PPP1R12C: variants seen among roughly 807,000 people sequenced by gnomAD.
The protein encoded by PPP1R12C is protein phosphatase 1 regulatory subunit 12C.
In PPP1R12C, 48 loss-of-function variants were observed where a neutral mutation model predicts 95.6. The observed-to-expected ratio is 0.50, with a 90% confidence interval of 0.40 to 0.64. PPP1R12C has a LOEUF of 0.64. Ranked by LOEUF, PPP1R12C falls within the 30% of genes least tolerant of loss-of-function variation. The pLI is 0.00. For synonymous variants in PPP1R12C, 480 were observed against 460.8 expected (o/e 1.04, Z -0.53); for missense variants, 1,057 against 1,083.3 (o/e 0.98, Z 0.34).
intron 19 of PPP1R12C, 93 bp from the exon 20 acceptor site, chr19:55,092,002 T>TAGGCAGCCCACA: frequency 6.7e-7 from 1 of 1,486,692 alleles, no homozygotes; most frequent in East Asian, 2.3e-5. Flanking sequence ...GCCCGCCCAC[T>TAGGCAGCCCACA]AGGCAGCCCA....
chr19:55,110,941 G>GA (rs959573397), intron 3 of PPP1R12C, among the ~76,000 whole-genome samples: 2 of 151,680 alleles, frequency 1.3e-5, no homozygotes, highest in African/African-American at 4.8e-5. Flanking sequence ...GAGATGGAGG[G>GA]AAAAAAACAG....
At chr19:55,099,360 G>A (rs1224036946) in intron 4 of PPP1R12C, among the ~76,000 whole-genome samples, 1 of 152,232 alleles carries the variant, frequency 6.6e-6, no homozygotes, top group Admixed American at 6.5e-5. Context: ...CTGGCAGGGG[G>A]TCACCCTGGC....
Position 55,091,161 on chromosome 19 carries a change from A to G in PPP1R12C, c.*311T>C. 2.4e-6 allele frequency: 1 copy of G among 413,154 alleles called. No homozygotes were observed. Among genetic ancestry groups the G allele is most frequent in the African/African-American group, 2.0e-5 (1 of 49,450 alleles). The allele number at this position is 413,154 out of a possible 1,614,324, so 25.6% of individuals were successfully genotyped here. A position where few individuals can be genotyped will look rare whatever the true frequency, so the allele number is the denominator to read the frequency against. ...CATCACACGTGAGATGGGGACCTCC[A>G]GGCGGCCACTCTGGTCCTGGCTACT... On this transcript the variant is annotated 3_prime_UTR_variant, in exon 22 of 22. Coordinates refer to ENST00000263433, the MANE Select transcript of PPP1R12C (RefSeq NM_017607.4).
chr19:55,113,886 T>C, intron 1 of PPP1R12C: 1 of 167,596 alleles, frequency 6.0e-6, no homozygotes, highest in South Asian at 1.8e-4. Flanking sequence ...CAGGCATCCC[T>C]GTGAAAGATG....
At chr19:55,116,242 GC>G (rs1255622798) in intron 1 of PPP1R12C, among the ~76,000 whole-genome samples, 19 of 152,190 alleles carry the variant, frequency 1.2e-4, no homozygotes, top group Admixed American at 5.9e-4. Flanking sequence ...GATGGCACAG[GC>G]CCCAGAAGGA....
chr19:55,113,462 AG>A, intron 1 of PPP1R12C: 1 of 1,482,946 alleles, frequency 6.7e-7, no homozygotes, highest in South Asian at 1.3e-5. Flanking sequence ...CCCTGCAGCC[AG>A]GGGCTGACAC....
intron 1 of PPP1R12C, chr19:55,113,786 G>C (rs1325114725): frequency 3.4e-6 from 1 of 292,504 alleles, no homozygotes; most frequent in East Asian, 5.9e-5. Context: ...GGATGAACTC[G>C]GCTCGTTTAT....
chr19:55,115,981 G>A (rs373349072), intron 1 of PPP1R12C, among the ~76,000 whole-genome samples: 2 of 152,164 alleles, frequency 1.3e-5, no homozygotes, highest in Non-Finnish European at 2.9e-5. Context: ...GGGGCTGGAA[G>A]AGCTAGCACA....
At chr19:55,107,281 G>GC (rs1474397994) in intron 3 of PPP1R12C, among the ~76,000 whole-genome samples, 1 of 152,122 alleles carries the variant, frequency 6.6e-6, no homozygotes, top group Non-Finnish European at 1.5e-5. Context: ...GGGCATGGTG[G>GC]CGGGTGCTTG....
Position 55,092,674 on chromosome 19 carries a change from T to G in PPP1R12C, c.1912-12A>C, listed in dbSNP as rs763140473. 2 of 1,525,914 alleles carry G rather than the reference T, an allele frequency of 1.3e-6. No individual in the cohort carries two copies. Among genetic ancestry groups the G allele is most frequent in the African/African-American group, 1.4e-5 (1 of 72,742 alleles). The allele number at this position is 1,525,914 out of a possible 1,614,324, so 94.5% of individuals were successfully genotyped here. On this transcript the variant is annotated splice_polypyrimidine_tract_variant and intron_variant, in intron 16 of 21. Transcript: ENST00000263433. ...TCCGCCTCCTCCCCCTGTGGGCAGG[T>G]AGACGGGGGTTCAATGGGTATGGGA... is the stretch of plus-strand genomic sequence containing the variant.
chr19:55,113,356 G>A (rs1473887472), intron 1 of PPP1R12C: 27 of 1,388,496 alleles, frequency 1.9e-5, no homozygotes, highest in South Asian at 1.5e-5. Context: ...TCAGGGGCCT[G>A]GGCGGGACTC....
At chr19:55,110,702 A>G (rs989746888) in intron 3 of PPP1R12C, among the ~76,000 whole-genome samples, 1 of 152,138 alleles carries the variant, frequency 6.6e-6, no homozygotes, top group Non-Finnish European at 1.5e-5. Flanking sequence ...GTGAAACCCC[A>G]TCTCTATTAA....
At chr19:55,096,434 G>A in intron 6 of PPP1R12C, 99 bp from the exon 7 acceptor site, 2 of 1,382,962 alleles carry the variant, frequency 1.4e-6, no homozygotes, top group South Asian at 1.2e-5. Context: ...TGCCCAGGCG[G>A]GCACCGAGGG....
At chr19:55,097,420 C>T (rs113739450) in intron 6 of PPP1R12C, among the ~76,000 whole-genome samples, 11 of 132,162 alleles carry the variant, frequency 8.3e-5, no homozygotes, top group African/African-American at 8.5e-5. Flanking sequence ...ACCCCTTCCC[C>T]GCAGTTCACC....
chr19:55,097,760 AG>A (rs1186026035), intron 6 of PPP1R12C, among the ~76,000 whole-genome samples: 1 of 152,182 alleles, frequency 6.6e-6, no homozygotes, highest in East Asian at 1.9e-4. Flanking sequence ...TTAGTGCTGT[AG>A]TACTCACGTC....
intron 20 of PPP1R12C, 31 bp from the exon 21 acceptor site, chr19:55,091,731 A>C: frequency 6.2e-7 from 1 of 1,613,300 alleles, no homozygotes; most frequent in Non-Finnish European, 8.5e-7. Flanking sequence ...GCAGAAACTG[A>C]GTGAGGCTGA....
intron 3 of PPP1R12C, among the ~76,000 whole-genome samples, chr19:55,105,744 G>C (rs2109067): frequency 0.71 from 107,876 of 151,954 alleles, 39,395 homozygotes; most frequent in Admixed American, 0.81. Context: ...CCACTAGTTT[G>C]AGAACAGCCT....
intron 14 of PPP1R12C, 27 bp from the exon 15 acceptor site, chr19:55,093,103 G>A (rs746216841): frequency 6.2e-7 from 1 of 1,612,660 alleles, no homozygotes; most frequent in Non-Finnish European, 8.5e-7. Flanking sequence ...GCGAGTCAGG[G>A]AAGCAGGACA....
chr19:55,092,951 G>A, intron 15 of PPP1R12C, 65 bp downstream of exon 15: 1 of 1,574,980 alleles, frequency 6.3e-7, no homozygotes, highest in South Asian at 1.1e-5. Flanking sequence ...CCCCAGGAAA[G>A]CAAGAAGACT....
Sources: gnomAD v4.1 joint callset for allele counts (sites outside exome capture counted in the v4.1 genomes callset) on GRCh38, gnomAD v4.1.1 for gene constraint, MANE v1.5 for transcripts, NCBI Gene and HGNC (gene_info 2026-07-23, HGNC 2026-07-21) for gene names.